The following NRXN3 variants were observed in gnomAD, a reference collection of about 807,000 sequenced individuals.
NRXN3 encodes neurexin III.
Under a neutral mutation model 137.6 loss-of-function variants are expected in NRXN3, and 32 were observed. That is an observed-to-expected ratio of 0.23 (90% CI 0.18 to 0.31). The LOEUF is 0.31. Ranked by LOEUF, NRXN3 falls within the 10% of genes least tolerant of loss-of-function variation. The pLI, the probability that NRXN3 is intolerant of heterozygous loss-of-function variation, is 1.00. For missense variants in NRXN3, 1,574 were observed against 2,062.5 expected, an observed-to-expected ratio of 0.76 and a Z score of 4.59; for synonymous variants, 798 against 784.5, an observed-to-expected ratio of 1.02 and a Z score of -0.29.
intron 15 of NRXN3, among the ~76,000 whole-genome samples, chr14:79,226,592 T>C (rs1243322976): frequency 6.6e-6 from 1 of 152,168 alleles, no homozygotes; most frequent in African/African-American, 2.4e-5. Context: ...ATGTATTTAT[T>C]ACACTGTTCA....
At chr14:79,176,392 T>A (rs550642594) in intron 15 of NRXN3, among the ~76,000 whole-genome samples, 1 of 152,266 alleles carries the variant, frequency 6.6e-6, no homozygotes, top group East Asian at 1.9e-4. Flanking sequence ...AGCGGCACAC[T>A]CTCTAGTTTT....
intron 4 of NRXN3, chr14:78,403,904 A>G (rs1296840854): frequency 2.0e-6 from 2 of 985,068 alleles, no homozygotes; most frequent in African/African-American, 1.7e-5. Context: ...CACCTTTAAA[A>G]AGAAAAGATA....
intron 20 of NRXN3, among the ~76,000 whole-genome samples, chr14:79,849,852 C>A (rs2141686588): frequency 6.6e-6 from 1 of 152,222 alleles, no homozygotes; most frequent in East Asian, 1.9e-4. Context: ...GTTCCTTCAC[C>A]CCTTTTCTGA....
At chr14:78,285,632 T>C (rs2075068822) in intron 3 of NRXN3, among the ~76,000 whole-genome samples, 1 of 152,234 alleles carries the variant, frequency 6.6e-6, no homozygotes, top group Non-Finnish European at 1.5e-5. Flanking sequence ...CCTAGAACTC[T>C]GACAATACAT....
At chr14:79,073,251 T>C (rs1345025170) in intron 15 of NRXN3, among the ~76,000 whole-genome samples, 1 of 152,126 alleles carries the variant, frequency 6.6e-6, no homozygotes, top group East Asian at 1.9e-4. Flanking sequence ...CCCCCCTTTT[T>C]TGGAGATACT....
intron 15 of NRXN3, among the ~76,000 whole-genome samples, chr14:79,438,028 T>G (rs1276536523): frequency 6.6e-6 from 1 of 152,230 alleles, no homozygotes; most frequent in Non-Finnish European, 1.5e-5. Context: ...TCTCTTGCAA[T>G]AGCCAGCATG....
chr14:79,784,770 T>G (rs1016687971), intron 19 of NRXN3, among the ~76,000 whole-genome samples: 10 of 152,026 alleles, frequency 6.6e-5, no homozygotes, highest in African/African-American at 2.2e-4. Flanking sequence ...AAAATTAACT[T>G]TATTCTTCTT....
rs912618429 is a variant in NRXN3 at position 78,888,569 on chromosome 14, C to T, written c.2276-68673C>T. Among the ~76,000 whole-genome samples, 5 of 151,934 alleles carry T rather than the reference C, an allele frequency of 3.3e-5. No homozygotes were observed. In the South Asian group the frequency reaches 6.2e-4, roughly 19 times the overall value. Reference sequence around the variant, plus strand: ...TTTCTTTGAAGGCATGGAGAAGTGCCGAGCAGTGTGTTACTTTTCCTCTAT... The same window carrying T: ...TTTCTTTGAAGGCATGGAGAAGTGCTGAGCAGTGTGTTACTTTTCCTCTAT... On this transcript the variant is annotated intron_variant, in intron 10 of 20. Coordinates refer to ENST00000335750, the MANE Select transcript of NRXN3 (RefSeq NM_001330195.2).
intron 15 of NRXN3, among the ~76,000 whole-genome samples, chr14:79,346,692 T>G (rs1174301273): frequency 6.6e-6 from 1 of 152,196 alleles, no homozygotes; most frequent in Non-Finnish European, 1.5e-5. Flanking sequence ...TGCCATTGTT[T>G]CTGTGTGAAA....
At chr14:78,397,751 A>T (rs1161879098) in intron 4 of NRXN3, among the ~76,000 whole-genome samples, 1 of 151,536 alleles carries the variant, frequency 6.6e-6, no homozygotes, top group Admixed American at 6.6e-5. Flanking sequence ...TTACAGGCAC[A>T]TGCCACCATG....
chr14:78,999,064 C>T (rs2099536200), intron 15 of NRXN3, among the ~76,000 whole-genome samples: 1 of 152,100 alleles, frequency 6.6e-6, no homozygotes, highest in Non-Finnish European at 1.5e-5. Context: ...GTCCCTTTGC[C>T]AAGTGAAATT....
intron 20 of NRXN3, among the ~76,000 whole-genome samples, chr14:79,860,390 T>C (rs1376136136): frequency 6.6e-6 from 1 of 152,224 alleles, no homozygotes; most frequent in Admixed American, 6.5e-5. Flanking sequence ...CAGGGGGATT[T>C]CTGGAAAAGC....
At chr14:79,453,740 A>G (rs1395924455) in intron 15 of NRXN3, among the ~76,000 whole-genome samples, 4 of 152,180 alleles carry the variant, frequency 2.6e-5, no homozygotes, top group Non-Finnish European at 4.4e-5. Flanking sequence ...TTTTCTATCT[A>G]CTATTTTATT....
chr14:79,607,397 C>T (rs1369200192), intron 16 of NRXN3, among the ~76,000 whole-genome samples: 1 of 152,132 alleles, frequency 6.6e-6, no homozygotes, highest in Admixed American at 6.5e-5. Flanking sequence ...ATTTCAATCC[C>T]AGAGAGACAG....
chr14:78,774,283 C>T (rs1427584407), intron 8 of NRXN3, among the ~76,000 whole-genome samples: 1 of 152,076 alleles, frequency 6.6e-6, no homozygotes, highest in African/African-American at 2.4e-5. Context: ...TAAGTGGCTG[C>T]ATAATAATTT....
intron 11 of NRXN3, among the ~76,000 whole-genome samples, 199 bp from the exon 12 acceptor site, chr14:78,965,826 G>A (rs747610681): frequency 3.9e-5 from 6 of 152,144 alleles, no homozygotes; most frequent in Admixed American, 6.5e-5. Context: ...GAGCAGCTGC[G>A]TGACAGCATG....
chr14:78,895,092 A>G (rs954263828), intron 10 of NRXN3, among the ~76,000 whole-genome samples: 15 of 151,782 alleles, frequency 9.9e-5, no homozygotes, highest in African/African-American at 3.4e-4. Context: ...TAAAGTCACC[A>G]GCTGCCTTAG....
At position 79,150,503 on chromosome 14, in the gene NRXN3, A is replaced by C. The variant is rs554017171; in HGVS notation, c.3262+162362A>C. Among the ~76,000 whole-genome samples, 97 of 152,074 alleles carry C rather than the reference A, an allele frequency of 6.4e-4. 1 individual carries two copies. The highest frequency in any genetic ancestry group is 3.4e-3 in the Middle Eastern group (1 of 294). ...TGCATGTTCCCAAACAGAGATCTGC[A>C]GAGAAAGGAGCAAGAGTTCCTTGCA... On this transcript the variant is annotated intron_variant, in intron 15 of 20. Coordinates refer to ENST00000335750, the MANE Select transcript of NRXN3 (RefSeq NM_001330195.2).
At chr14:78,289,828 C>T (rs1366332044) in intron 3 of NRXN3, among the ~76,000 whole-genome samples, 3 of 152,132 alleles carry the variant, frequency 2.0e-5, no homozygotes, top group Admixed American at 1.3e-4. Context: ...GCAGGAGAAT[C>T]GCTTGAACCT....
Sources: gnomAD v4.1 joint callset for allele counts (sites outside exome capture counted in the v4.1 genomes callset) on GRCh38, gnomAD v4.1.1 for gene constraint, MANE v1.5 for transcripts, NCBI Gene and HGNC (gene_info 2026-07-23, HGNC 2026-07-21) for gene names.